MIA3: variants seen among roughly 807,000 people sequenced by gnomAD.
The protein encoded by MIA3 is transport and Golgi organization protein 1 homolog.
Under a neutral mutation model 192.4 loss-of-function variants are expected in MIA3, and 90 were observed. The ratio of observed to expected loss-of-function variants is 0.47; its 90% CI spans 0.39 to 0.56. The LOEUF is 0.56. MIA3 is among the 20% of genes least tolerant of loss of function. MIA3 has a pLI of 0.00. For synonymous variants in MIA3, 740 were observed against 792.8 expected (o/e 0.93, Z 1.12); for missense variants, 2,123 against 2,269.4 (o/e 0.94, Z 1.31).
At chr1:222,652,087 T>C (rs1463758184) in intron 12 of MIA3, 39 bp downstream of exon 12, 4 of 1,345,612 alleles carry the variant, frequency 3.0e-6, no homozygotes, top group African/African-American at 2.9e-5. Context: ...ATTAATACTA[T>C]ATCATAGTTT....
chr1:222,652,032 C>T lies in MIA3; in HGVS notation c.3965C>T (p.Ala1322Val), dbSNP rs1663466469. Residue 1322 changes from alanine to valine, a missense_variant, in exon 12 of 28, where the codon GCC (alanine) becomes GTC (valine). By Grantham distance (64) the Ala-to-Val change is moderately conservative. Coordinates refer to ENST00000344922, the MANE Select transcript of MIA3 (RefSeq NM_198551.4). ...TTAAAGGATGTTATTTCAATGAATG[C>T]CTCAGAATTTTCAGAGGTAAAGCTG... ...EKLKDVISMN[A>V]SEFSEVQIAL... 2.5e-6 allele frequency: 4 copies of T among 1,570,278 alleles called. No homozygotes were observed. The highest frequency in any genetic ancestry group is 3.5e-6 in the Non-Finnish European group (4 of 1,140,276).
rs762955277 is a variant in MIA3 at position 222,632,309 on chromosome 1, A to C, written c.3314A>C (p.Glu1105Ala). The change falls in exon 5 of 28, where the codon GAG (glutamate) becomes GCG (alanine). Residue 1105 changes from glutamate (E) to alanine (A), a missense_variant. This residue lies in a region of MIA3 where 1,357 missense variants were observed against 1,396.1 expected (regional missense o/e 0.97). Transcript: ENST00000344922. The part of the protein sequence containing the change: ...ASEVSQKPNT[E>A]KDLDPGPVTT... The stretch of plus-strand genomic sequence containing the variant: ...GAAGTGTCACAGAAGCCAAATACTG[A>C]GAAAGACCTGGACCCAGGTAAAGCC... 2 of 1,613,856 alleles carry C rather than the reference A, an allele frequency of 1.2e-6. No homozygotes were observed. Among genetic ancestry groups the C allele is most frequent in the Non-Finnish European group, 1.7e-6 (2 of 1,179,914 alleles).
chr1:222,655,605 C>G (rs970749560), intron 18 of MIA3, among the ~76,000 whole-genome samples: 1 of 152,200 alleles, frequency 6.6e-6, no homozygotes, highest in Non-Finnish European at 1.5e-5. Flanking sequence ...TTAACTTTTT[C>G]TCTAATTCTT....
In MIA3 at chr1:222,659,995, C is replaced by G; in HGVS notation, c.4964C>G (p.Pro1655Arg). 1 of 1,612,794 alleles carries G rather than the reference C, an allele frequency of 6.2e-7. No individual in the cohort carries two copies. The highest frequency in any genetic ancestry group is 8.5e-7 in the Non-Finnish European group (1 of 1,179,156). The stretch of plus-strand genomic sequence containing the variant: ...CCAGGAAAACCAAATACACAAAACC[C>G]TCCACGGAGAGGTAAGGGAGCTACC... ...PMPGKPNTQN[P>R]PRRGPLSQNG... is the part of the protein sequence containing the mutation. Residue 1655 changes from proline to arginine, a missense_variant, in exon 23 of 28, where the codon CCT becomes CGT. Coordinates refer to ENST00000344922, the MANE Select transcript of MIA3 (RefSeq NM_198551.4).
rs890269888 is a variant in MIA3 at position 222,667,987 on chromosome 1, ATTAAAG to A, written c.*2373_*2378del. 112 of 152,324 alleles carry A rather than the reference ATTAAAG, an allele frequency of 7.4e-4. No homozygotes were observed. The highest frequency in any genetic ancestry group is 2.1e-3 in the East Asian group (11 of 5,184). 9.4% of individuals were successfully genotyped at this position (152,324 alleles called of 1,614,324 possible). Reference sequence around the variant, plus strand: ...ATTTTCTCGTTATATTCAGGTCTGAATTAAAGTTAAGTTAATCACACAGTGTTCAAT... The same window carrying A: ...ATTTTCTCGTTATATTCAGGTCTGAATTAAGTTAATCACACAGTGTTCAAT... On this transcript the variant is annotated 3_prime_UTR_variant, in exon 28 of 28. Transcript: ENST00000344922.
chr1:222,619,951 T>C (rs917308642), intron 1 of MIA3, among the ~76,000 whole-genome samples: 1 of 152,208 alleles, frequency 6.6e-6, no homozygotes, highest in African/African-American at 2.4e-5. Context: ...TTATTATAAA[T>C]CCTCTATGAT....
intron 26 of MIA3, among the ~76,000 whole-genome samples, chr1:222,662,704 T>C (rs929879487): frequency 6.6e-6 from 1 of 152,180 alleles, no homozygotes; most frequent in African/African-American, 2.4e-5. Context: ...GTAACTGTAA[T>C]TAACTTAAAC....
chr1:222,664,135 T>A lies in MIA3; in HGVS notation c.5400T>A (p.Leu1800=). Residue 1800 remains leucine (L), a synonymous_variant, in exon 27 of 28, where the codon CTT becomes CTA. Coordinates refer to ENST00000344922, the MANE Select transcript of MIA3 (RefSeq NM_198551.4). ...QLCGPFGPRP[L]PPPFGPGMRP... Reference sequence around the variant, plus strand: ...GCGGACCTTTTGGGCCTCGGCCACTTCCTCCACCCTTTGGTAAGATGATCT... The same window carrying A: ...GCGGACCTTTTGGGCCTCGGCCACTACCTCCACCCTTTGGTAAGATGATCT... 1 of 1,614,164 alleles carries A rather than the reference T, an allele frequency of 6.2e-7. No homozygotes were observed. The highest frequency in any genetic ancestry group is 2.2e-5 in the East Asian group (1 of 44,888).
At chr1:222,643,722 G>A (rs964810712) in intron 6 of MIA3, among the ~76,000 whole-genome samples, 1 of 151,902 alleles carries the variant, frequency 6.6e-6, no homozygotes, top group Admixed American at 6.6e-5. Flanking sequence ...CTTGAGCCCC[G>A]GAGTTCGAGT....
At chr1:222,643,101 C>T (rs1662935399) in intron 6 of MIA3, among the ~76,000 whole-genome samples, 1 of 152,084 alleles carries the variant, frequency 6.6e-6, no homozygotes, top group Admixed American at 6.6e-5. Context: ...GATTTTGATA[C>T]ATAATTAGGA....
Position 222,629,717 on chromosome 1 carries a change from A to G in MIA3, c.2497A>G (p.Ser833Gly), listed in dbSNP as rs1662302963. ...ATTTGAACGAAGTGACTTTTCTGAC[A>G]GCATAAAAATTCAGACTCCAGAATT... ...RPFERSDFSD[S>G]IKIQTPELGE... The change falls in exon 4 of 28, where the codon AGC becomes GGC. Residue 833 changes from serine (S) to glycine (G), a missense_variant. Ser to Gly is a moderately conservative substitution (Grantham distance 56). Around this residue, in one of 3 missense-constraint regions of MIA3, gnomAD observed 1,357 missense variants for 1,396.1 expected, o/e 0.97. Transcript: ENST00000344922. 6.2e-7 allele frequency: 1 copy of G among 1,614,220 alleles called. No homozygotes were observed. The highest frequency in any genetic ancestry group is 8.5e-7 in the Non-Finnish European group (1 of 1,180,030).
At chr1:222,664,309 G>A (rs572497196) in intron 27 of MIA3, among the ~76,000 whole-genome samples, 161 bp downstream of exon 27, 22 of 152,318 alleles carry the variant, frequency 1.4e-4, no homozygotes, top group Non-Finnish European at 8.8e-5. Context: ...CACAAAGGGT[G>A]CTACATAATC....
intron 4 of MIA3, among the ~76,000 whole-genome samples, chr1:222,631,530 G>A (rs936614465): frequency 5.3e-5 from 8 of 152,122 alleles, no homozygotes. Context: ...AATGGGGGAG[G>A]AGAACTTTTT....
At position 222,660,234 on chromosome 1, in the gene MIA3, C is replaced by T; in HGVS notation, c.5033C>T (p.Ser1678Phe). 2 of 1,613,930 alleles carry T rather than the reference C, an allele frequency of 1.2e-6. No individual in the cohort carries two copies. Among genetic ancestry groups the T allele is most frequent in the Non-Finnish European group, 1.7e-6 (2 of 1,179,820 alleles). ...GPSPVSGGEC[S>F]PPLTVEPPVR... ...TCCCCTGTGAGTGGTGGAGAATGCT[C>T]CCCTCCATTGACAGTGGAGCCACCC... The change falls in exon 24 of 28, where the codon TCC becomes TTC. Residue 1678 changes from serine to phenylalanine, a missense_variant. Ser to Phe is a radical substitution (Grantham distance 155). This residue lies in a region of MIA3 where 762 missense variants were observed against 856.4 expected (regional missense o/e 0.89). Coordinates refer to ENST00000344922, the MANE Select transcript of MIA3 (RefSeq NM_198551.4).
At chr1:222,663,238 G>A (rs943673376) in intron 26 of MIA3, among the ~76,000 whole-genome samples, 2 of 152,186 alleles carry the variant, frequency 1.3e-5, no homozygotes, top group Admixed American at 1.3e-4. Context: ...ATACTTCCAA[G>A]TTCCAGCACA....
Position 222,629,283 on chromosome 1 carries a change from A to T in MIA3, c.2063A>T (p.Asp688Val), listed in dbSNP as rs1388598366. The T allele has an allele frequency of 6.2e-7, 1 of 1,614,222 alleles. No individual in the cohort carries two copies. ...SEGEAKEDSLDEEFFHHKAMQ... is the reference protein window; with the variant it reads ...SEGEAKEDSLVEEFFHHKAMQ... ...GGAGAAGCCAAAGAGGACTCCTTGG[A>T]TGAAGAGTTTTTTCATCACAAGGCA... Residue 688 changes from aspartate to valine, a missense_variant, in exon 4 of 28, where the codon GAT becomes GTT. Asp to Val is a radical substitution (Grantham distance 152). Transcript: ENST00000344922.
intron 15 of MIA3, 149 bp downstream of exon 15, chr1:222,653,488 G>A (rs1663550723): frequency 7.9e-6 from 5 of 629,534 alleles, no homozygotes; most frequent in Non-Finnish European, 1.2e-5. Flanking sequence ...ATTGGGCAGA[G>A]GTGGATTGCT....
chr1:222,640,098 A>G (rs1033168191), intron 6 of MIA3, among the ~76,000 whole-genome samples: 7 of 152,170 alleles, frequency 4.6e-5, no homozygotes, highest in African/African-American at 1.7e-4. Context: ...CAATAGTATC[A>G]AAAATATGGA....
intron 6 of MIA3, among the ~76,000 whole-genome samples, chr1:222,638,962 A>G (rs1187592358): frequency 1.3e-5 from 2 of 152,208 alleles, no homozygotes; most frequent in African/African-American, 2.4e-5. Flanking sequence ...GAGAAAATCA[A>G]TGTAACCAAA....
Sources: allele counts gnomAD v4.1 joint callset (sites outside exome capture counted in the v4.1 genomes callset), GRCh38; gene constraint gnomAD v4.1.1; regional missense constraint gnomAD v4.1.1; transcripts MANE v1.5; gene names NCBI Gene and HGNC (gene_info 2026-07-23, HGNC 2026-07-21).